The following ITGAV variants were observed in gnomAD, a reference collection of about 807,000 sequenced individuals.
The protein encoded by ITGAV is integrin alpha-V.
ITGAV carries 76 observed loss-of-function variants against 143.8 expected under a neutral mutation model. The ratio of observed to expected loss-of-function variants is 0.53; its 90% CI spans 0.44 to 0.64. The LOEUF is 0.64. Among genes scored for constraint, ITGAV ranks in the 30% least tolerant of loss-of-function variants. ITGAV has a pLI of 0.00. For missense variants in ITGAV, 1,193 were observed against 1,274.7 expected (o/e 0.94, Z 0.98); for synonymous variants, 453 against 446.7 (o/e 1.01, Z -0.18).
intron 1 of ITGAV, 100 bp from the exon 2 acceptor site, chr2:186,601,912 AAAAAATATT>A: frequency 8.5e-7 from 1 of 1,180,230 alleles, no homozygotes; most frequent in Non-Finnish European, 1.2e-6. Flanking sequence ...AAATGGTTTT[AAAAAATATT>A]TATAGATAAT....
At chr2:186,643,463 C>T (rs1460866748) in intron 12 of ITGAV, among the ~76,000 whole-genome samples, 1 of 152,072 alleles carries the variant, frequency 6.6e-6, no homozygotes, top group East Asian at 1.9e-4. Context: ...GTATTTAGTA[C>T]ATATGTGCAA....
chr2:186,670,077 T>G (rs1689022375), intron 26 of ITGAV: 3 of 394,242 alleles, frequency 7.6e-6, no homozygotes, highest in African/African-American at 2.1e-5. Context: ...AACTGTCCTC[T>G]TTCTGGGCCT....
At chr2:186,665,279 T>G in intron 21 of ITGAV, 61 bp downstream of exon 21, 1 of 1,058,906 alleles carries the variant, frequency 9.4e-7, no homozygotes, top group South Asian at 1.3e-5. Flanking sequence ...TATTGTTGTC[T>G]GGGCTCATAG....
intron 4 of ITGAV, 55 bp downstream of exon 4, chr2:186,625,642 G>T: frequency 1.2e-6 from 1 of 839,478 alleles, no homozygotes; most frequent in Non-Finnish European, 1.8e-6. Flanking sequence ...AGCCTAGTTT[G>T]TTAAAAATAT....
At chr2:186,641,132 C>G (rs1224842299) in intron 11 of ITGAV, among the ~76,000 whole-genome samples, 165 bp downstream of exon 11, 1 of 152,090 alleles carries the variant, frequency 6.6e-6, no homozygotes, top group Non-Finnish European at 1.5e-5. Context: ...TAGAAAACCT[C>G]ATATGTTTGT....
At chr2:186,622,953 A>C (rs1426042559) in intron 3 of ITGAV, among the ~76,000 whole-genome samples, 3 of 152,030 alleles carry the variant, frequency 2.0e-5, no homozygotes, top group Non-Finnish European at 4.4e-5. Context: ...TAGTAGAGAC[A>C]GGGTTTCGCC....
chr2:186,662,392 CTT>C (rs1688773118), intron 18 of ITGAV, among the ~76,000 whole-genome samples: 1 of 152,132 alleles, frequency 6.6e-6, no homozygotes, highest in African/African-American at 2.4e-5. Context: ...AGTTACGAAT[CTT>C]TGTCCAATAT....
chr2:186,663,570 T>A (rs1319044178), intron 18 of ITGAV, among the ~76,000 whole-genome samples, 198 bp from the exon 19 acceptor site: 1 of 152,212 alleles, frequency 6.6e-6, no homozygotes. Context: ...TTCTCTTTCT[T>A]GACTGGCTAC....
intron 6 of ITGAV, among the ~76,000 whole-genome samples, chr2:186,635,172 A>G (rs953775630): frequency 6.6e-6 from 1 of 152,202 alleles, no homozygotes; most frequent in Non-Finnish European, 1.5e-5. Context: ...GGCAAATAGT[A>G]TTTTGTTTTA....
At chr2:186,635,740 T>A (rs1449419398) in intron 6 of ITGAV, among the ~76,000 whole-genome samples, 2 of 152,336 alleles carry the variant, frequency 1.3e-5, no homozygotes, top group Non-Finnish European at 2.9e-5. Context: ...GTAACAGTAT[T>A]GTTTCAGTAA....
intron 19 of ITGAV, among the ~76,000 whole-genome samples, chr2:186,664,130 A>C (rs1688822472): frequency 6.6e-6 from 1 of 152,242 alleles, no homozygotes; most frequent in Admixed American, 6.5e-5. Context: ...CTCAAGGAAT[A>C]TCCTTACCAT....
intron 1 of ITGAV, among the ~76,000 whole-genome samples, chr2:186,592,615 T>C (rs1234927782): frequency 6.6e-6 from 1 of 152,104 alleles, no homozygotes; most frequent in Non-Finnish European, 1.5e-5. Context: ...TGTTGAACTC[T>C]TCATGATATT....
At chr2:186,613,487 T>C (rs1479807621) in intron 2 of ITGAV, among the ~76,000 whole-genome samples, 1 of 152,210 alleles carries the variant, frequency 6.6e-6, no homozygotes, top group Non-Finnish European at 1.5e-5. Flanking sequence ...CTGTATCTTA[T>C]TTTATGTAAA....
chr2:186,656,500 G>A, intron 17 of ITGAV, 99 bp downstream of exon 17: 1 of 889,950 alleles, frequency 1.1e-6, no homozygotes, highest in African/African-American at 1.8e-5. Flanking sequence ...TAGATCAAAA[G>A]GAAAAACAGA....
chr2:186,598,898 A>G (rs1686822348), intron 1 of ITGAV, among the ~76,000 whole-genome samples: 1 of 152,084 alleles, frequency 6.6e-6, no homozygotes, highest in African/African-American at 2.4e-5. Context: ...TTACGTCTTT[A>G]TTTTGAATTT....
intron 12 of ITGAV, among the ~76,000 whole-genome samples, chr2:186,645,635 AG>A (rs1688233947): frequency 6.6e-6 from 1 of 152,132 alleles, no homozygotes; most frequent in Admixed American, 6.5e-5. Flanking sequence ...CCTTTTGAAG[AG>A]AAAGTTACAG....
chr2:186,665,055 G>A (rs1385687434), intron 20 of ITGAV, 71 bp from the exon 21 acceptor site: 11 of 1,016,228 alleles, frequency 1.1e-5, no homozygotes, highest in Non-Finnish European at 1.0e-5. Flanking sequence ...ACAAGAAACT[G>A]AAATATCCAA....
chr2:186,633,016 G>T (rs1345805136), intron 5 of ITGAV, among the ~76,000 whole-genome samples: 1 of 151,174 alleles, frequency 6.6e-6, no homozygotes, highest in African/African-American at 2.4e-5. Context: ...TAGACAGATA[G>T]ATACATAGAC....
At chr2:186,614,726 G>T (rs1336624536) in intron 2 of ITGAV, among the ~76,000 whole-genome samples, 2 of 151,002 alleles carry the variant, frequency 1.3e-5, no homozygotes, top group Non-Finnish European at 3.0e-5. Flanking sequence ...TTTATTCTTG[G>T]TCTATTACTC....
Sources: gnomAD v4.1 joint callset for allele counts (sites outside exome capture counted in the v4.1 genomes callset) on GRCh38, gnomAD v4.1.1 for gene constraint, MANE v1.5 for transcripts, NCBI Gene and HGNC (gene_info 2026-07-23, HGNC 2026-07-21) for gene names.